Variants in ZNF423 observed in about 807,000 individuals in gnomAD.
ZNF423 encodes Ebf-associated zinc finger protein.
Under a neutral mutation model 95.8 loss-of-function variants are expected in ZNF423, and 12 were observed. That is an observed-to-expected ratio of 0.13 (90% CI 0.08 to 0.20). ZNF423 has a LOEUF of 0.20. Among genes scored for constraint, ZNF423 ranks in the 10% least tolerant of loss-of-function variants. ZNF423 has a pLI of 1.00. For missense variants in ZNF423, 1,316 were observed against 1,737.1 expected (o/e 0.76, Z 4.31); for synonymous variants, 749 against 711.9 (o/e 1.05, Z -0.83).
In ZNF423 at chr16:49,637,448, G is replaced by A. The variant is rs1555515498; in HGVS notation, c.1728C>T (p.Cys576=). ...SFMEVYSCPY[C]TNSPIFGSIL... ...TGGAGCCAAAGATGGGGGAGTTGGT[G>A]CAGTAGGGGCAGGAATAGACCTCCA... Residue 576 remains cysteine (C), a synonymous_variant, in exon 4 of 8, where the codon TGC becomes TGT. Coordinates refer to ENST00000563137, the MANE Select transcript of ZNF423 (RefSeq NM_001379286.1). This position sits in a 1 kb window ranked among gnomAD's most constrained non-coding sequence, Gnocchi z 5.6. 1.2e-6 allele frequency: 2 copies of A among 1,614,146 alleles called. No homozygotes were observed. Among genetic ancestry groups the A allele is most frequent in the African/African-American group, 1.3e-5 (1 of 75,024 alleles).
At chr16:49,755,426 A>C (rs7197830) in intron 2 of ZNF423, among the ~76,000 whole-genome samples, 111,725 of 152,098 alleles carry the variant, frequency 0.73, 41,983 homozygotes, top group African/African-American at 0.89. Flanking sequence ...AGGAAAGTTC[A>C]TTTCTGCTCT....
intron 5 of ZNF423, among the ~76,000 whole-genome samples, chr16:49,611,964 C>T (rs1971737462): frequency 6.6e-6 from 1 of 151,918 alleles, no homozygotes; most frequent in African/African-American, 2.4e-5. Context: ...TTGAATAGTC[C>T]TATTCTATTA....
At chr16:49,777,684 C>T (rs945106908) in intron 2 of ZNF423, among the ~76,000 whole-genome samples, 2 of 152,170 alleles carry the variant, frequency 1.3e-5, no homozygotes, top group Admixed American at 1.3e-4. Flanking sequence ...CTACAGAAAG[C>T]GTGCCCTAGA....
chr16:49,632,931 G>T (rs531891638), intron 4 of ZNF423, among the ~76,000 whole-genome samples: 2 of 152,344 alleles, frequency 1.3e-5, no homozygotes, highest in Non-Finnish European at 2.9e-5. Flanking sequence ...GATCTGGGTT[G>T]AGGGGCACCC....
chr16:49,662,134 G>T (rs185944988), intron 3 of ZNF423, among the ~76,000 whole-genome samples: 2 of 152,246 alleles, frequency 1.3e-5, no homozygotes, highest in East Asian at 3.9e-4. Context: ...CTTCTCGCGG[G>T]CATCCCCAAT....
At chr16:49,588,286 C>G (rs913645077) in intron 5 of ZNF423, among the ~76,000 whole-genome samples, 2 of 152,204 alleles carry the variant, frequency 1.3e-5, no homozygotes, top group Non-Finnish European at 2.9e-5. Flanking sequence ...TGTGTTTGTA[C>G]TCAGTGCATG....
chr16:49,753,725 A>C (rs954990280), intron 2 of ZNF423, among the ~76,000 whole-genome samples: 24 of 152,326 alleles, frequency 1.6e-4, no homozygotes, highest in Admixed American at 1.3e-3. Context: ...AAACACTTGA[A>C]TGGCACGAGG....
chr16:49,815,914 A>ATATATATATTTT (rs1445194160), intron 1 of ZNF423, among the ~76,000 whole-genome samples: 1 of 29,798 alleles, frequency 3.4e-5, no homozygotes, highest in African/African-American at 1.3e-4. Flanking sequence ...ATATATATAT[A>ATATATATATTTT]TTTTTTTTTT....
At chr16:49,735,164 A>G (rs2033255969) in intron 2 of ZNF423, among the ~76,000 whole-genome samples, 1 of 152,194 alleles carries the variant, frequency 6.6e-6, no homozygotes, top group South Asian at 2.1e-4. Context: ...CTTATCGCCC[A>G]TCTCCACAGC....
intron 5 of ZNF423, among the ~76,000 whole-genome samples, chr16:49,590,051 T>TATATATATATATATA (rs879296139): frequency 1.3e-4 from 18 of 134,042 alleles, no homozygotes; most frequent in East Asian, 5.4e-4. Flanking sequence ...TATATATATA[T>TATATATATATATATA]TTGGTCCATA....
intron 2 of ZNF423, among the ~76,000 whole-genome samples, chr16:49,741,949 T>C (rs1387739017): frequency 6.6e-6 from 1 of 152,366 alleles, no homozygotes; most frequent in Admixed American, 6.5e-5. Context: ...TCCAGGTCTC[T>C]GCCCACCAGG....
At chr16:49,505,597 T>C (rs1407858075) in intron 7 of ZNF423, among the ~76,000 whole-genome samples, 2 of 152,120 alleles carry the variant, frequency 1.3e-5, no homozygotes, top group Admixed American at 6.6e-5. Flanking sequence ...TTTGCTGTGA[T>C]AAATTGTGTG....
intron 5 of ZNF423, among the ~76,000 whole-genome samples, chr16:49,525,732 G>T (rs529466971): frequency 3.2e-4 from 48 of 152,290 alleles, no homozygotes; most frequent in Admixed American, 5.9e-4. Flanking sequence ...CATTTGCTGT[G>T]ATTTCTCCTG....
intron 5 of ZNF423, among the ~76,000 whole-genome samples, chr16:49,543,171 C>A (rs1028573568): frequency 6.6e-6 from 1 of 152,182 alleles, no homozygotes; most frequent in Non-Finnish European, 1.5e-5. Context: ...AAATCACCCC[C>A]TCAGCTGATA....
chr16:49,844,546 G>A (rs868288103), intron 1 of ZNF423, among the ~76,000 whole-genome samples: 8 of 152,234 alleles, frequency 5.3e-5, no homozygotes, highest in Middle Eastern at 6.8e-3. Context: ...TGACTCTCAC[G>A]GTGAACCCAA....
rs201095265 is a variant in ZNF423, at chr16:49,638,093, G to T, written c.1083C>A (p.His361Gln). The T allele has an allele frequency of 2.5e-6, 4 of 1,613,730 alleles. No homozygotes were observed. Among genetic ancestry groups the T allele is most frequent in the East Asian group, 4.5e-5 (2 of 44,888 alleles). The change falls in exon 4 of 8, where the codon CAC (histidine) becomes CAA (glutamine). Residue 361 changes from histidine to glutamine, a missense_variant. Transcript: ENST00000563137. This position sits in a 1 kb window ranked among gnomAD's most constrained non-coding sequence, Gnocchi z 5.6. ...CCAGTACAGGGTCGGGACTGACACT[G>T]TGGTTGCTGGAGTCGGGCTGCCGGT... ...DSHRQPDSSN[H>Q]SVSPDPVLGS...
chr16:49,791,990 G>A (rs557063838), intron 1 of ZNF423, among the ~76,000 whole-genome samples: 8 of 127,436 alleles, frequency 6.3e-5, no homozygotes, highest in African/African-American at 1.2e-4. Flanking sequence ...ACAACAGAAC[G>A]AGACTCCATC....
chr16:49,553,442 G>C (rs903698824), intron 5 of ZNF423, among the ~76,000 whole-genome samples: 3 of 151,572 alleles, frequency 2.0e-5, no homozygotes, highest in Non-Finnish European at 2.9e-5. Flanking sequence ...GAAATCCTGG[G>C]TTCAAGAGCT....
At chr16:49,780,161 G>A (rs2034186597) in intron 2 of ZNF423, among the ~76,000 whole-genome samples, 1 of 152,210 alleles carries the variant, frequency 6.6e-6, no homozygotes. Flanking sequence ...CACATGTCCT[G>A]GGTACCAGCA....
Sources: gnomAD v4.1 joint callset for allele counts (sites outside exome capture counted in the v4.1 genomes callset) on GRCh38, gnomAD v4.1.1 for gene constraint, Gnocchi (gnomAD v3.1) non-coding constraint, MANE v1.5 for transcripts, NCBI Gene and HGNC (gene_info 2026-07-23, HGNC 2026-07-21) for gene names.